ZNF519: variants seen among roughly 807,000 people sequenced by gnomAD.
ZNF519 encodes the protein similar to Zinc finger protein 85 (Zinc finger protein HPF4) (HTF1).
In ZNF519, 7 loss-of-function variants were observed where a neutral mutation model predicts 7.4. The ratio of observed to expected loss-of-function variants is 0.94; its 90% CI spans 0.54 to 1.77. The LOEUF is 1.77. Ranked by LOEUF, ZNF519 falls within the 40% of genes most tolerant of loss-of-function variation. The pLI is 0.00. For synonymous variants in ZNF519, 179 were observed against 203.3 expected (o/e 0.88, Z 1.02); for missense variants, 586 against 623.1 (o/e 0.94, Z 0.63).
At chr18:14,096,010 C>T (rs764402257), downstream of ZNF519, among the ~76,000 whole-genome samples, 1 of 152,242 alleles carries the variant, frequency 6.6e-6, no homozygotes, top group Non-Finnish European at 1.5e-5. Flanking sequence ...TGAGCTGGAA[C>T]ACAAGACCAT....
intron 2 of ZNF519, among the ~76,000 whole-genome samples, chr18:14,089,065 A>C (rs1457024002): frequency 6.6e-6 from 1 of 152,166 alleles, no homozygotes; most frequent in Non-Finnish European, 1.5e-5. Flanking sequence ...ACGAACATGA[A>C]AGAAGCAAAA....
intron 3 of ZNF519, among the ~76,000 whole-genome samples, chr18:14,079,682 G>T (rs1201895070): frequency 6.6e-6 from 1 of 152,158 alleles, no homozygotes; most frequent in Non-Finnish European, 1.5e-5. Flanking sequence ...TCAACAGATG[G>T]TGCTAGAAGA....
chr18:14,086,747 T>C (rs778173805), intron 2 of ZNF519, among the ~76,000 whole-genome samples: 1 of 152,162 alleles, frequency 6.6e-6, no homozygotes, highest in Non-Finnish European at 1.5e-5. Context: ...AAAGCAACTT[T>C]GGATATGTGG....
rs766961540 is a variant in ZNF519 at position 14,105,741 on chromosome 18, A to G, written c.799T>C (p.Tyr267His). Residue 267 changes from tyrosine to histidine, a missense_variant, in exon 3 of 3, where the codon TAT becomes CAT. Tyr to His is a moderately conservative substitution (Grantham distance 83). Transcript: ENST00000590202. Reference protein sequence around the residue: ...IINTGEKSVKYKERGKAFTRG... With the variant: ...IINTGEKSVKHKERGKAFTRG... ...GTAAAAGCTTTGCCACGTTCTTTATATTTCACTGATTTTTCTCCAGTGTTA... is the reference window on the plus strand; with the variant it reads ...GTAAAAGCTTTGCCACGTTCTTTATGTTTCACTGATTTTTCTCCAGTGTTA... 12 of 1,613,752 alleles carry G rather than the reference A, an allele frequency of 7.4e-6. No homozygotes were observed. In the Admixed American group the frequency reaches 2.0e-4, roughly 27 times the overall value.
At chr18:14,107,515 G>C (rs775944372) in intron 2 of ZNF519, among the ~76,000 whole-genome samples, 2 of 152,166 alleles carry the variant, frequency 1.3e-5, no homozygotes, top group Non-Finnish European at 2.9e-5. Flanking sequence ...CACAACTGTG[G>C]TGGCTACAGG....
At chr18:14,112,781 CAA>C (rs1162154462) in intron 2 of ZNF519, among the ~76,000 whole-genome samples, 2 of 152,024 alleles carry the variant, frequency 1.3e-5, no homozygotes, top group Non-Finnish European at 2.9e-5. Context: ...TTTAAAAAGA[CAA>C]AAAAGAAAAT....
chr18:14,088,794 C>G (rs552042930), intron 2 of ZNF519, among the ~76,000 whole-genome samples: 1 of 152,228 alleles, frequency 6.6e-6, no homozygotes, highest in East Asian at 1.9e-4. Context: ...TTGTCACTGT[C>G]TCCTTATTTG....
intron 1 of ZNF519, among the ~76,000 whole-genome samples, chr18:14,130,075 G>A (rs1372245967): frequency 1.3e-5 from 2 of 151,768 alleles, no homozygotes; most frequent in Non-Finnish European, 2.9e-5. Context: ...CCTTCCCATT[G>A]TGACTTCAAT....
intron 2 of ZNF519, 73 bp downstream of exon 2, chr18:14,124,277 A>G (rs2046285088): frequency 7.0e-7 from 1 of 1,420,840 alleles, no homozygotes; most frequent in Non-Finnish European, 9.4e-7. Flanking sequence ...GAAGCTCTCA[A>G]GAGACAGTCT....
chr18:14,092,977 A>G (rs1420739527), intron 2 of ZNF519, among the ~76,000 whole-genome samples: 1 of 152,236 alleles, frequency 6.6e-6, no homozygotes, highest in Non-Finnish European at 1.5e-5. Flanking sequence ...ACTGTTTTGG[A>G]AACACCTGAC....
chr18:14,097,252 T>C (rs2046140650), downstream of ZNF519, among the ~76,000 whole-genome samples: 1 of 152,216 alleles, frequency 6.6e-6, no homozygotes, highest in Admixed American at 6.5e-5. Context: ...AAGTTTCTAG[T>C]GATTTGTTGG....
chr18:14,099,676 A>G (rs1287878947), downstream of ZNF519, among the ~76,000 whole-genome samples: 1 of 152,200 alleles, frequency 6.6e-6, no homozygotes, highest in Non-Finnish European at 1.5e-5. Flanking sequence ...TTATTTGCCA[A>G]TCACCATCTT....
chr18:14,092,278 A>T (rs1375741903), intron 2 of ZNF519, among the ~76,000 whole-genome samples: 1 of 152,090 alleles, frequency 6.6e-6, no homozygotes, highest in Non-Finnish European at 1.5e-5. Context: ...CATCTGTGTG[A>T]AGGGGGTGTC....
chr18:14,086,752 A>T (rs1309817461), intron 2 of ZNF519, among the ~76,000 whole-genome samples: 2 of 152,214 alleles, frequency 1.3e-5, no homozygotes, highest in African/African-American at 4.8e-5. Flanking sequence ...AACTTTGGAT[A>T]TGTGGCAAAT....
intron 2 of ZNF519, among the ~76,000 whole-genome samples, chr18:14,088,348 A>G (rs1567940109): frequency 1.3e-5 from 2 of 152,224 alleles, no homozygotes; most frequent in Non-Finnish European, 2.9e-5. Flanking sequence ...CCTGCACCAT[A>G]GTCAGTTCCC....
At chr18:14,081,044 T>C (rs1427875298) in intron 3 of ZNF519, among the ~76,000 whole-genome samples, 2 of 152,186 alleles carry the variant, frequency 1.3e-5, no homozygotes, top group East Asian at 3.9e-4. Context: ...GGAGTCTTTT[T>C]AGGGCACTGA....
At chr18:14,084,863 G>A (rs1376436151) in intron 3 of ZNF519, 3 of 152,152 alleles carry the variant, frequency 2.0e-5, no homozygotes, top group Non-Finnish European at 2.9e-5. Context: ...ATAAATGAAC[G>A]TTGAAAGACT....
chr18:14,119,195 T>C (rs1259934578), intron 2 of ZNF519, among the ~76,000 whole-genome samples: 1 of 152,194 alleles, frequency 6.6e-6, no homozygotes, highest in Middle Eastern at 3.2e-3. Flanking sequence ...GACCCAGCTT[T>C]ACAACGCTTC....
At chr18:14,072,613 C>T (rs922846004), downstream of ZNF519, 2 of 152,112 alleles carry the variant, frequency 1.3e-5, no homozygotes, top group African/African-American at 4.8e-5. Flanking sequence ...GACCTTTTTG[C>T]CCTCTTCCCT....
Sources: gnomAD v4.1 joint callset for allele counts (sites outside exome capture counted in the v4.1 genomes callset) on GRCh38, gnomAD v4.1.1 for gene constraint, MANE v1.5 for transcripts, NCBI Gene and HGNC (gene_info 2026-07-23, HGNC 2026-07-21) for gene names.